The following ROR2 variants were observed in gnomAD, a reference collection of about 807,000 sequenced individuals.
ROR2 encodes the protein ROR family WNT receptor 2.
ROR2 carries 33 observed loss-of-function variants against 74.9 expected under a neutral mutation model. That is an observed-to-expected ratio of 0.44 (90% CI 0.33 to 0.59). The LOEUF (loss-of-function observed/expected upper bound fraction) is 0.59. Among genes scored for constraint, ROR2 ranks in the 20% least tolerant of loss-of-function variants. The pLI, the probability that ROR2 is intolerant of heterozygous loss-of-function variation, is 0.02. For synonymous variants in ROR2, 586 were observed against 558.7 expected (o/e 1.05, Z -0.69); for missense variants, 1,216 against 1,313.8 (o/e 0.93, Z 1.15).
At chr9:91,947,410 T>C (rs899094853) in intron 1 of ROR2, among the ~76,000 whole-genome samples, 1 of 152,274 alleles carries the variant, frequency 6.6e-6, no homozygotes, top group African/African-American at 2.4e-5. Flanking sequence ...TGTGTAGCTC[T>C]GTGCTTGGTA....
intron 1 of ROR2, among the ~76,000 whole-genome samples, chr9:91,829,549 C>CAAAAAAAAA (rs34687056): frequency 0.049 from 1,967 of 40,444 alleles, 339 homozygotes; most frequent in Admixed American, 0.06. Context: ...GACTCCGTCT[C>CAAAAAAAAA]AAAAAAAAAA....
chr9:91,925,834 G>C (rs1233275824), intron 1 of ROR2, among the ~76,000 whole-genome samples: 1 of 152,198 alleles, frequency 6.6e-6, no homozygotes, highest in Non-Finnish European at 1.5e-5. Flanking sequence ...CAGACACCTG[G>C]GTAGAGAAGC....
chr9:91,815,722 T>G (rs1003023759), intron 1 of ROR2, among the ~76,000 whole-genome samples: 1 of 152,162 alleles, frequency 6.6e-6, no homozygotes, highest in Non-Finnish European at 1.5e-5. Context: ...AGGAAAACCA[T>G]TTCACAGGAT....
At position 91,725,117 on chromosome 9, in the gene ROR2, AG is replaced by A. The variant is rs762372405; in HGVS notation, c.1387-11del. On this transcript the variant is annotated splice_polypyrimidine_tract_variant and intron_variant, in intron 8 of 8. Transcript: ENST00000375708. Reference sequence around the variant, plus strand: ...TCTCTTTGAGTTTGGCCTGTCAAGAAGAAAAGCCCCACGTGAAACATCACTG... The same window carrying A: ...TCTCTTTGAGTTTGGCCTGTCAAGAAAAAAGCCCCACGTGAAACATCACTG... 18 of 1,613,328 alleles carry A rather than the reference AG, an allele frequency of 1.1e-5. No homozygotes were observed. The East Asian group carries it at 4.0e-4, about 36-fold the overall frequency.
At chr9:91,838,336 C>T (rs1828675761) in intron 1 of ROR2, among the ~76,000 whole-genome samples, 1 of 152,196 alleles carries the variant, frequency 6.6e-6, no homozygotes, top group Non-Finnish European at 1.5e-5. Context: ...GAGCTGGGAC[C>T]AGGGCCAAGT....
At chr9:91,725,903 C>T (rs1837012702) in intron 8 of ROR2, among the ~76,000 whole-genome samples, 1 of 152,224 alleles carries the variant, frequency 6.6e-6, no homozygotes, top group African/African-American at 2.4e-5. Context: ...CCAAGTGCAT[C>T]AGCTCCCTCC....
intron 1 of ROR2, among the ~76,000 whole-genome samples, chr9:91,909,290 T>C (rs2119441959): frequency 6.6e-6 from 1 of 152,170 alleles, no homozygotes; most frequent in African/African-American, 2.4e-5. Flanking sequence ...AAAGAGGAGC[T>C]TTTTTATCTG....
intron 1 of ROR2, among the ~76,000 whole-genome samples, chr9:91,789,454 T>A (rs1826905060): frequency 6.6e-6 from 1 of 152,182 alleles, no homozygotes; most frequent in Non-Finnish European, 1.5e-5. Flanking sequence ...TTTTATTCAT[T>A]TACTTGTTTT....
chr9:91,775,298 A>G (rs1826382271), intron 2 of ROR2, among the ~76,000 whole-genome samples: 1 of 152,222 alleles, frequency 6.6e-6, no homozygotes, highest in Non-Finnish European at 1.5e-5. Context: ...TCTATGGTGC[A>G]TTCCTGCAAG....
At chr9:91,768,662 ATCG>A (rs1404902004) in intron 2 of ROR2, among the ~76,000 whole-genome samples, 1 of 152,216 alleles carries the variant, frequency 6.6e-6, no homozygotes, top group Non-Finnish European at 1.5e-5. Context: ...ACAGGGGCTG[ATCG>A]AGGACTGCAG....
chr9:91,828,191 TTC>T (rs560895474), intron 1 of ROR2, among the ~76,000 whole-genome samples: 1 of 152,228 alleles, frequency 6.6e-6, no homozygotes, highest in Non-Finnish European at 1.5e-5. Context: ...CTTACATACT[TTC>T]TTATTGTTTG....
At chr9:91,895,829 G>C (rs1241377766) in intron 1 of ROR2, among the ~76,000 whole-genome samples, 1 of 152,196 alleles carries the variant, frequency 6.6e-6, no homozygotes, top group Non-Finnish European at 1.5e-5. Context: ...GGGCGGCTGA[G>C]CGAGACTCTG....
At chr9:91,846,840 G>A (rs1025039119) in intron 1 of ROR2, among the ~76,000 whole-genome samples, 6 of 152,140 alleles carry the variant, frequency 3.9e-5, no homozygotes, top group African/African-American at 7.2e-5. Flanking sequence ...GTACCACTCC[G>A]TTGCCTTCTA....
chr9:91,941,102 A>G (rs946989648), intron 1 of ROR2, among the ~76,000 whole-genome samples: 1 of 140,520 alleles, frequency 7.1e-6, no homozygotes, highest in African/African-American at 2.7e-5. Context: ...GGTTCACACC[A>G]TTCTCCTGCC....
chr9:91,911,563 T>C (rs140766284), intron 1 of ROR2, among the ~76,000 whole-genome samples: 1 of 152,098 alleles, frequency 6.6e-6, no homozygotes, highest in East Asian at 1.9e-4. Context: ...AATAAATAGA[T>C]AGGGAAGTAG....
At chr9:91,757,834 T>C (rs1825810415) in intron 2 of ROR2, among the ~76,000 whole-genome samples, 1 of 152,170 alleles carries the variant, frequency 6.6e-6, no homozygotes, top group Non-Finnish European at 1.5e-5. Context: ...ATAACCTTGG[T>C]TTATGTGTGT....
intron 2 of ROR2, among the ~76,000 whole-genome samples, chr9:91,765,058 C>T (rs1478829057): frequency 6.6e-6 from 1 of 152,128 alleles, no homozygotes; most frequent in East Asian, 1.9e-4. Flanking sequence ...AGTGCTCTTC[C>T]TCAAATCTGA....
intron 8 of ROR2, 34 bp from the exon 9 acceptor site, chr9:91,725,141 C>T: frequency 1.2e-6 from 2 of 1,610,904 alleles, no homozygotes; most frequent in Non-Finnish European, 1.7e-6. Context: ...TGAAACATCA[C>T]TGTCACCGCA....
intron 1 of ROR2, among the ~76,000 whole-genome samples, chr9:91,840,398 G>A (rs1828746861): frequency 6.6e-6 from 1 of 152,156 alleles, no homozygotes; most frequent in African/African-American, 2.4e-5. Context: ...CACTTCCAAA[G>A]GCACCCTCCA....
Sources: gnomAD v4.1 joint callset for allele counts (sites outside exome capture counted in the v4.1 genomes callset) on GRCh38, gnomAD v4.1.1 for gene constraint, MANE v1.5 for transcripts, NCBI Gene and HGNC (gene_info 2026-07-23, HGNC 2026-07-21) for gene names.